The following KIAA0232 variants were observed in gnomAD, a reference collection of about 807,000 sequenced individuals.
KIAA0232 encodes the protein KIAA0232, also known as uncharacterized protein KIAA0232.
Under a neutral mutation model 122.0 loss-of-function variants are expected in KIAA0232, and 27 were observed. The observed-to-expected ratio is 0.22, with a 90% CI of 0.16 to 0.31. The LOEUF (loss-of-function observed/expected upper bound fraction) is 0.31, where lower values mean the gene tolerates loss of function less well. KIAA0232 is among the 10% of genes least tolerant of loss of function. KIAA0232 has a pLI of 1.00. For missense variants in KIAA0232, 1,551 were observed against 1,634.2 expected, an observed-to-expected ratio of 0.95 and a Z score of 0.88; for synonymous variants, 613 against 587.6, an observed-to-expected ratio of 1.04 and a Z score of -0.63.
At chr4:6,837,260 C>T (rs1719356096) in intron 3 of KIAA0232, among the ~76,000 whole-genome samples, 1 of 152,080 alleles carries the variant, frequency 6.6e-6, no homozygotes, top group Non-Finnish European at 1.5e-5. Flanking sequence ...AGACGCTCCT[C>T]ACCTCCCAGA....
At chr4:6,790,034 A>G (rs998934434) in intron 1 of KIAA0232, among the ~76,000 whole-genome samples, 6 of 152,204 alleles carry the variant, frequency 3.9e-5, no homozygotes, top group African/African-American at 1.4e-4. Flanking sequence ...GTCTCAAGAA[A>G]AAAAAAAGAG....
intron 3 of KIAA0232, among the ~76,000 whole-genome samples, chr4:6,833,194 T>A (rs1402664014): frequency 6.6e-6 from 1 of 152,250 alleles, no homozygotes; most frequent in Non-Finnish European, 1.5e-5. Context: ...TCCTCGTGTG[T>A]GTCACTGCAT....
chr4:6,805,043 C>A (rs1454822997), intron 2 of KIAA0232, among the ~76,000 whole-genome samples: 1 of 151,994 alleles, frequency 6.6e-6, no homozygotes, highest in Non-Finnish European at 1.5e-5. Context: ...TTTGATATTT[C>A]CCTAATTTAT....
intron 4 of KIAA0232, among the ~76,000 whole-genome samples, chr4:6,846,705 G>C (rs1171443949): frequency 6.6e-6 from 1 of 152,002 alleles, no homozygotes; most frequent in African/African-American, 2.4e-5. Context: ...GAAAGAATCA[G>C]TGTGTGGTAG....
chr4:6,871,454 C>T, intron 7 of KIAA0232, 120 bp from the exon 8 acceptor site: 1 of 616,820 alleles, frequency 1.6e-6, no homozygotes, highest in Non-Finnish European at 2.8e-6. Context: ...AAAGAAAAAT[C>T]AAAAAACCTC....
chr4:6,863,748 C>T lies in KIAA0232; in HGVS notation c.3366C>T (p.Ser1122=), dbSNP rs367654814. 49 of 1,614,054 alleles carry T rather than the reference C, an allele frequency of 3.0e-5. No homozygotes were observed. In the African/African-American group the frequency reaches 3.1e-4, roughly 10 times the overall value. The change falls in exon 7 of 10, where the codon AGC becomes AGT. Residue 1122 remains serine (S), a synonymous_variant. Coordinates refer to ENST00000307659, the MANE Select transcript of KIAA0232 (RefSeq NM_014743.3). ...CCGAACTGTCCCCAGGAGGAGGAAG[C>T]GAGTCAGAATTTGAATCTGAGAAAG... ...SASELSPGGG[S]ESEFESEKDE... is the part of the protein sequence containing the mutation.
intron 1 of KIAA0232, among the ~76,000 whole-genome samples, chr4:6,802,912 C>T (rs1046067467): frequency 6.7e-6 from 1 of 148,184 alleles, no homozygotes; most frequent in Admixed American, 6.9e-5. Flanking sequence ...AATCCCAACT[C>T]TTTAGGTGGC....
chr4:6,851,572 G>A (rs1012632273), intron 4 of KIAA0232, among the ~76,000 whole-genome samples: 1 of 151,956 alleles, frequency 6.6e-6, no homozygotes, highest in Admixed American at 6.6e-5. Flanking sequence ...GAAAAGCCAA[G>A]TGTGGTGGCA....
rs143195381 is a variant in KIAA0232 at position 6,835,000 on chromosome 4, T to A, written c.232-7067T>A. Among the ~76,000 whole-genome samples, 1,010 of 152,278 alleles carry A rather than the reference T, an allele frequency of 6.6e-3. 9 individuals carry two copies. The highest frequency in any genetic ancestry group is 0.023 in the African/African-American group (958 of 41,544). ...TATGACAGAATCTGTAAGTAAGGAA[T>A]TTGGGCAGGGCTTAATTGGGTGATT... On this transcript the variant is annotated intron_variant, in intron 3 of 9. Transcript: ENST00000307659.
chr4:6,791,582 G>C lies in KIAA0232; in HGVS notation c.-354+8741G>C, dbSNP rs948284030. Among the ~76,000 whole-genome samples, 19 of 152,136 alleles carry C rather than the reference G, an allele frequency of 1.2e-4. No homozygotes were observed. In the East Asian group the frequency reaches 3.7e-3, roughly 29 times the overall value. ...GAACTCAAGCGATGCTCCTGCCTCTGCCTCCCAAAATGCTGGGATTACAGG... is the reference window on the plus strand; with the variant it reads ...GAACTCAAGCGATGCTCCTGCCTCTCCCTCCCAAAATGCTGGGATTACAGG... On this transcript the variant is annotated intron_variant, in intron 1 of 9. Transcript: ENST00000307659.
At chr4:6,824,844 A>G (rs1035674441) in intron 3 of KIAA0232, among the ~76,000 whole-genome samples, 160 bp downstream of exon 3, 1 of 152,218 alleles carries the variant, frequency 6.6e-6, no homozygotes, top group African/African-American at 2.4e-5. Context: ...TTGGAGTGTC[A>G]ATCAGCCTGT....
intron 4 of KIAA0232, among the ~76,000 whole-genome samples, chr4:6,847,794 G>T (rs1411664099): frequency 6.6e-6 from 1 of 151,220 alleles, no homozygotes; most frequent in South Asian, 2.1e-4. Context: ...TTTCATTCCT[G>T]TTATGACCGG....
intron 3 of KIAA0232, among the ~76,000 whole-genome samples, chr4:6,826,452 A>C (rs751264715): frequency 1.3e-5 from 2 of 151,990 alleles, no homozygotes; most frequent in Non-Finnish European, 2.9e-5. Context: ...AATATTTCTC[A>C]TCATTCAAAA....
rs750850608 is a variant in KIAA0232, at chr4:6,863,952, A to G, written c.3570A>G (p.Thr1190=). Residue 1190 remains threonine, a synonymous_variant, in exon 7 of 10, where the codon ACA becomes ACG. Transcript: ENST00000307659. The stretch of plus-strand genomic sequence containing the variant: ...CTGGGATGGAAAAGAGTGCTCAGAC[A>G]TCACTGGATTCCCAGGAGGAATCAA... ...KKSGMEKSAQ[T]SLDSQEESTG... is the part of the protein sequence containing the mutation. The G allele has an allele frequency of 1.2e-6, 2 of 1,614,100 alleles. No individual in the cohort carries two copies.
chr4:6,794,215 C>T (rs1383376330), intron 1 of KIAA0232, among the ~76,000 whole-genome samples: 1 of 152,184 alleles, frequency 6.6e-6, no homozygotes. Context: ...AAGTCTTGAC[C>T]AAGCTGATGG....
intron 9 of KIAA0232, among the ~76,000 whole-genome samples, chr4:6,879,012 T>C (rs1450473539): frequency 6.6e-6 from 1 of 152,102 alleles, no homozygotes; most frequent in East Asian, 1.9e-4. Context: ...TCTCTCATCT[T>C]CCACACACAG....
Position 6,803,988 on chromosome 4 carries a change from T to C in KIAA0232, c.-353-535T>C, listed in dbSNP as rs575432750. Among the ~76,000 whole-genome samples the C allele has an allele frequency of 2.6e-5, 4 of 152,342 alleles. No homozygotes were observed. The South Asian group carries it at 8.3e-4, about 32-fold the overall frequency. ...TTGTTAAGTGTGGCACTTTGCTGAG[T>C]ATTTAAAATGTGTTTTTGAGAATGT... is the stretch of plus-strand genomic sequence containing the variant. On this transcript the variant is annotated intron_variant, in intron 1 of 9. Transcript: ENST00000307659.
At chr4:6,866,777 C>G (rs1721204745) in intron 7 of KIAA0232, among the ~76,000 whole-genome samples, 1 of 152,192 alleles carries the variant, frequency 6.6e-6, no homozygotes, top group Admixed American at 6.5e-5. Flanking sequence ...TACCTGTTTA[C>G]ATGCCTGTTG....
At chr4:6,847,201 G>A in intron 4 of KIAA0232, among the ~76,000 whole-genome samples, 1 of 152,190 alleles carries the variant, frequency 6.6e-6, no homozygotes, top group Non-Finnish European at 1.5e-5. Context: ...ATGTGACCAT[G>A]CGTGTATGTG....
Sources: allele counts gnomAD v4.1 joint callset (sites outside exome capture counted in the v4.1 genomes callset), GRCh38; gene constraint gnomAD v4.1.1; transcripts MANE v1.5; gene names NCBI Gene and HGNC (gene_info 2026-07-23, HGNC 2026-07-21).